The following LPP variants were observed in gnomAD, a reference collection of about 807,000 sequenced individuals.
The protein encoded by LPP is lipoma-preferred partner.
A neutral mutation model predicts 60.4 loss-of-function variants in LPP; 38 were observed. The ratio of observed to expected loss-of-function variants is 0.63; its 90% confidence interval spans 0.49 to 0.83. The LOEUF (loss-of-function observed/expected upper bound fraction) is 0.83, where lower values mean the gene tolerates loss of function less well. Ranked by LOEUF, LPP falls within the 40% of genes least tolerant of loss-of-function variation. The probability of loss-of-function intolerance (pLI) is 0.00; values close to 1 mark genes in which losing one functional copy is unlikely to be tolerated. For synonymous variants in LPP, 328 were observed against 290.8 expected, an observed-to-expected ratio of 1.13 and a Z score of -1.30; for missense variants, 902 against 783.6, an observed-to-expected ratio of 1.15 and a Z score of -1.80.
chr3:188,609,988 C>T lies in LPP; in HGVS notation c.1113+144C>T, dbSNP rs1300155070. The T allele has an allele frequency of 3.8e-6, 3 of 785,050 alleles. No individual in the cohort carries two copies. The highest frequency in any genetic ancestry group is 6.0e-6 in the Non-Finnish European group (3 of 502,604). 48.6% of individuals were successfully genotyped at this position (785,050 alleles called of 1,614,324 possible). ...CAATCCCAGGGAAGGATGAGTGAAG[C>T]CAGAGAGGAGAGAGAGACTACTTAG... is the stretch of plus-strand genomic sequence containing the variant. On this transcript the variant is annotated intron_variant, in intron 7 of 11. Transcript: ENST00000617246. The surrounding 1 kb of genome is among the most constrained non-coding windows in gnomAD (Gnocchi z 6.9).
At chr3:188,667,775 GT>G (rs547155537) in intron 7 of LPP, among the ~76,000 whole-genome samples, 20,605 of 145,448 alleles carry the variant, frequency 0.14, 1,815 homozygotes, top group Non-Finnish European at 0.2. Flanking sequence ...AGTTGTTATA[GT>G]TTTTTTTTTT....
chr3:188,728,772 AGATTATAAG>A (rs779788398), intron 8 of LPP, among the ~76,000 whole-genome samples: 22 of 152,162 alleles, frequency 1.4e-4, no homozygotes, highest in Non-Finnish European at 2.9e-4. Context: ...ATGACACAGT[AGATTATAAG>A]GTTATTTGGT....
intron 6 of LPP, among the ~76,000 whole-genome samples, chr3:188,597,045 CTTA>C (rs1053967064): frequency 6.6e-5 from 10 of 152,076 alleles, no homozygotes; most frequent in African/African-American, 2.4e-4. Context: ...TTTTTGTAGG[CTTA>C]TTATTAAGTC....
chr3:188,275,966 G>A (rs746152623), intron 2 of LPP, among the ~76,000 whole-genome samples: 3 of 152,126 alleles, frequency 2.0e-5, no homozygotes, highest in African/African-American at 7.2e-5. Context: ...GAGGTACCGC[G>A]CCCAGCCTCC....
intron 6 of LPP, among the ~76,000 whole-genome samples, chr3:188,607,834 AT>A (rs1842827097): frequency 6.6e-6 from 1 of 152,192 alleles, no homozygotes. Flanking sequence ...TTTATCTATG[AT>A]TTGTTATGTG....
intron 9 of LPP, among the ~76,000 whole-genome samples, chr3:188,857,208 G>A (rs1513181): frequency 0.22 from 33,456 of 152,132 alleles, 5,339 homozygotes; most frequent in East Asian, 0.8. Context: ...AAGATGATTC[G>A]GGGAATTTTT....
intron 7 of LPP, among the ~76,000 whole-genome samples, chr3:188,651,223 C>A (rs1016042608): frequency 6.6e-6 from 1 of 152,154 alleles, no homozygotes; most frequent in African/African-American, 2.4e-5. Flanking sequence ...ACATATATAA[C>A]GCAGTCTGCC....
rs185822826 is a variant in LPP, at chr3:188,382,850, C to T, written c.-9-23262C>T. Among the ~76,000 whole-genome samples the T allele has an allele frequency of 2.1e-4, 32 of 152,262 alleles. 1 individual carries two copies. The East Asian group carries it at 5.8e-3, about 28-fold the overall frequency. On this transcript the variant is annotated intron_variant, in intron 3 of 11. Coordinates refer to ENST00000617246, the MANE Select transcript of LPP (RefSeq NM_001375462.1). ...CATTCTTTGTCTTTCCTGGTTCCCC[C>T]TCTTATCCTCTGTAACCTGTGACCT...
At chr3:188,570,353 A>T (rs1833254962) in intron 6 of LPP, among the ~76,000 whole-genome samples, 1 of 152,092 alleles carries the variant, frequency 6.6e-6, no homozygotes, top group African/African-American at 2.4e-5. Flanking sequence ...CCTGGAAGTC[A>T]TTGAATTGTT....
intron 7 of LPP, among the ~76,000 whole-genome samples, chr3:188,636,206 G>A (rs1848710180): frequency 6.6e-6 from 1 of 152,228 alleles, no homozygotes; most frequent in Admixed American, 6.5e-5. Context: ...CGCGCACCGT[G>A]TGCGAGCCGA....
intron 1 of LPP, among the ~76,000 whole-genome samples, chr3:188,159,705 T>C (rs1717617435): frequency 6.6e-6 from 1 of 152,164 alleles, no homozygotes; most frequent in Non-Finnish European, 1.5e-5. Context: ...TTGAGCCAGT[T>C]GTTGCTGGCA....
At chr3:188,432,465 A>T (rs1435808397) in intron 4 of LPP, among the ~76,000 whole-genome samples, 1 of 152,172 alleles carries the variant, frequency 6.6e-6, no homozygotes, top group Non-Finnish European at 1.5e-5. Context: ...TGAAGGCACG[A>T]AGTTCTAAGA....
chr3:188,813,944 C>A (rs6800568), intron 9 of LPP, among the ~76,000 whole-genome samples: 1 of 151,976 alleles, frequency 6.6e-6, no homozygotes, highest in Non-Finnish European at 1.5e-5. Context: ...TGGTGGTGCA[C>A]GCCTGTAATC....
chr3:188,518,894 AT>A (rs58622737), intron 5 of LPP, among the ~76,000 whole-genome samples: 2 of 151,158 alleles, frequency 1.3e-5, no homozygotes, highest in African/African-American at 2.4e-5. Context: ...TAAGTTTCTG[AT>A]TTTTTTTTCA....
intron 7 of LPP, among the ~76,000 whole-genome samples, chr3:188,686,827 T>G: frequency 6.6e-6 from 1 of 152,244 alleles, no homozygotes; most frequent in East Asian, 1.9e-4. Context: ...TTGCTTCTCC[T>G]GCATTTGTTA....
chr3:188,191,430 G>A (rs1241928572), intron 1 of LPP, among the ~76,000 whole-genome samples: 1 of 152,176 alleles, frequency 6.6e-6, no homozygotes, highest in African/African-American at 2.4e-5. Flanking sequence ...AGAAGAGTTT[G>A]GATTTGATTT....
At chr3:188,275,532 T>G (rs1000833837) in intron 2 of LPP, among the ~76,000 whole-genome samples, 14 of 152,310 alleles carry the variant, frequency 9.2e-5, no homozygotes, top group African/African-American at 3.1e-4. Flanking sequence ...GCTCTCCACC[T>G]TATTAAAGTG....
intron 1 of LPP, among the ~76,000 whole-genome samples, chr3:188,164,538 C>T (rs955694217): frequency 2.6e-5 from 4 of 152,128 alleles, no homozygotes; most frequent in Admixed American, 6.5e-5. Flanking sequence ...GGTATGAAAA[C>T]GAATCATTTT....
At chr3:188,503,803 G>T (rs780893522) in intron 5 of LPP, among the ~76,000 whole-genome samples, 1 of 152,034 alleles carries the variant, frequency 6.6e-6, no homozygotes, top group Non-Finnish European at 1.5e-5. Flanking sequence ...AAGAAAACCG[G>T]ATAATTTTAT....
Sources: gnomAD v4.1 joint callset for allele counts (sites outside exome capture counted in the v4.1 genomes callset) on GRCh38, gnomAD v4.1.1 for gene constraint, Gnocchi (gnomAD v3.1) non-coding constraint, MANE v1.5 for transcripts, NCBI Gene and HGNC (gene_info 2026-07-23, HGNC 2026-07-21) for gene names.